The following CA5B variants were observed in gnomAD, a reference collection of about 807,000 sequenced individuals.
CA5B encodes the protein carbonic anhydrase 5B, mitochondrial.
Under a neutral mutation model 23.1 loss-of-function variants are expected in CA5B, and 15 were observed. The observed-to-expected ratio is 0.65, with a 90% confidence interval of 0.43 to 1.00. The LOEUF (loss-of-function observed/expected upper bound fraction) is 1.00. Among genes scored for constraint, CA5B ranks in the 50% least tolerant of loss-of-function variants. The pLI is 0.00. For synonymous variants in CA5B, 84 were observed against 98.5 expected, an observed-to-expected ratio of 0.85 and a Z score of 0.87; for missense variants, 236 against 252.2, an observed-to-expected ratio of 0.94 and a Z score of 0.43.
intron 2 of CA5B, among the ~76,000 whole-genome samples, chrX:15,751,686 C>G (rs1174766231): frequency 9.0e-6 from 1 of 110,673 alleles, no homozygotes; most frequent in Non-Finnish European, 1.9e-5. Flanking sequence ...TTTCCCACAA[C>G]AGATGACATG....
chrX:15,774,389 T>G lies in CA5B; in HGVS notation c.547T>G (p.Phe183Val). Residue 183 changes from phenylalanine (F) to valine (V), a missense_variant, in exon 5 of 8, where the codon TTT (phenylalanine) becomes GTT (valine). Phe to Val is a conservative substitution (Grantham distance 50). This residue lies in a region of CA5B where 170 missense variants were observed against 162.0 expected (regional missense o/e 1.05). Transcript: ENST00000318636. ...AAATGGTTTGGCTGTGATAGGAGTA[T>G]TTTTAAAGGTAAAATATCTCACCAA... ...EENGLAVIGV[F>V]LKLGKHHKEL... The G allele has an allele frequency of 9.7e-7, 1 of 1,027,725 alleles. No individual in the cohort carries two copies. The allele number at this position is 1,027,725 out of a possible 1,213,427, so 84.7% of individuals were successfully genotyped here. A position where few individuals can be genotyped will look rare whatever the true frequency, so the allele number is the denominator to read the frequency against.
At chrX:15,772,451 C>A in intron 3 of CA5B, 45 bp from the exon 4 acceptor site, 1 of 923,179 alleles carries the variant, frequency 1.1e-6, no homozygotes, top group Non-Finnish European at 1.6e-6. Context: ...CATTCCTCCA[C>A]TGCACAAATA....
intron 2 of CA5B, among the ~76,000 whole-genome samples, chrX:15,759,392 TAA>T (rs1931554998): frequency 9.0e-6 from 1 of 111,484 alleles, no homozygotes; most frequent in Admixed American, 9.6e-5. Context: ...GTTCCCAATA[TAA>T]AAGAGACCCC....
intron 6 of CA5B, 46 bp from the exon 7 acceptor site, chrX:15,776,668 G>T: frequency 9.0e-7 from 1 of 1,105,736 alleles, no homozygotes; most frequent in Non-Finnish European, 1.2e-6. Flanking sequence ...TTCCTGAGTG[G>T]TTTTCACTAC....
At chrX:15,774,042 G>A (rs1173621858) in intron 4 of CA5B, among the ~76,000 whole-genome samples, 1 of 112,346 alleles carries the variant, frequency 8.9e-6, no homozygotes, top group Non-Finnish European at 1.9e-5. Flanking sequence ...GCTCACTGAA[G>A]TGTCACTTTG....
intron 2 of CA5B, among the ~76,000 whole-genome samples, chrX:15,752,281 A>G (rs1931374175): frequency 9.0e-6 from 1 of 111,324 alleles, no homozygotes; most frequent in Admixed American, 9.6e-5. Context: ...ATTCAACCCT[A>G]TATATCGTGA....
intron 4 of CA5B, among the ~76,000 whole-genome samples, chrX:15,773,686 G>A (rs1931865861): frequency 9.1e-6 from 1 of 110,452 alleles, no homozygotes; most frequent in Admixed American, 9.7e-5. Context: ...TGGGATTACA[G>A]GCGTGAGCCA....
intron 3 of CA5B, chrX:15,768,932 G>A (rs949072555): frequency 8.9e-6 from 1 of 111,914 alleles, no homozygotes; most frequent in African/African-American, 3.2e-5. Flanking sequence ...GAAGGTATGT[G>A]ACAAAAACAT....
At chrX:15,751,665 TACTTAGTGAATTTCCCACA>T (rs1188271539) in intron 2 of CA5B, among the ~76,000 whole-genome samples, 2 of 111,039 alleles carry the variant, frequency 1.8e-5, no homozygotes, top group Admixed American at 9.6e-5. Flanking sequence ...GGGGCAGTTT[TACTTAGTGAATTTCCCACA>T]ACAGATGACA....
intron 2 of CA5B, among the ~76,000 whole-genome samples, chrX:15,758,712 T>G (rs1210989789): frequency 9.0e-6 from 1 of 111,183 alleles, no homozygotes; most frequent in Non-Finnish European, 1.9e-5. Context: ...CTCCCCATGT[T>G]GGCCAGGCTG....
At chrX:15,758,251 A>G (rs1273336170) in intron 2 of CA5B, among the ~76,000 whole-genome samples, 1 of 112,047 alleles carries the variant, frequency 8.9e-6, no homozygotes. Flanking sequence ...CAGGAAGTCC[A>G]AAAAACCAAG....
intron 2 of CA5B, among the ~76,000 whole-genome samples, chrX:15,752,632 T>G (rs188096642): frequency 0.022 from 2,382 of 109,441 alleles, 51 homozygotes; most frequent in African/African-American, 0.068. Context: ...TGCTGAGGCA[T>G]GAGAATGGCG....
At chrX:15,764,519 A>T (rs1205793599) in intron 2 of CA5B, 59 bp from the exon 3 acceptor site, 5 of 1,193,122 alleles carry the variant, frequency 4.2e-6, no homozygotes, top group Non-Finnish European at 5.6e-6. Flanking sequence ...GGATTATAGG[A>T]GTGAGCCACT....
chrX:15,763,900 C>T (rs987097225), intron 2 of CA5B, among the ~76,000 whole-genome samples: 6 of 112,122 alleles, frequency 5.4e-5, no homozygotes, highest in African/African-American at 1.9e-4. Flanking sequence ...AAGCCTGTAG[C>T]TGTTACCCAA....
At chrX:15,773,445 T>C (rs1171759221) in intron 4 of CA5B, among the ~76,000 whole-genome samples, 3 of 98,057 alleles carry the variant, frequency 3.1e-5, no homozygotes, top group African/African-American at 1.1e-4. Flanking sequence ...AGTTTTGCTC[T>C]GTCGCCCAGG....
In CA5B at chrX:15,752,521, C is replaced by G. The variant is rs746306952; in HGVS notation, c.142+2356C>G. Among the ~76,000 whole-genome samples, 383 of 102,649 alleles carry G rather than the reference C, an allele frequency of 3.7e-3. 1 individual carries two copies. Among genetic ancestry groups the G allele is most frequent in the Middle Eastern group, 0.015 (3 of 206 alleles). 89.1% of individuals were successfully genotyped at this position (102,649 alleles called of 115,157 possible). A position where few individuals can be genotyped will look rare whatever the true frequency, so the allele number is the denominator to read the frequency against. The stretch of plus-strand genomic sequence containing the variant: ...CGGGCGGATCACAAGGTCAGGAGAT[C>G]AAGACTATCCTGGCTAACACGGTGA... On this transcript the variant is annotated intron_variant, in intron 2 of 7. Coordinates refer to ENST00000318636, the MANE Select transcript of CA5B (RefSeq NM_007220.4).
intron 1 of CA5B, among the ~76,000 whole-genome samples, chrX:15,744,714 G>A (rs1931189915): frequency 9.0e-6 from 1 of 110,912 alleles, no homozygotes; most frequent in African/African-American, 3.3e-5. Flanking sequence ...CATCGCGGAA[G>A]GTTCCCCTGT....
At chrX:15,752,836 C>G (rs1030742194) in intron 2 of CA5B, among the ~76,000 whole-genome samples, 1 of 111,601 alleles carries the variant, frequency 9.0e-6, no homozygotes, top group African/African-American at 3.3e-5. Flanking sequence ...TCTATTGTCT[C>G]TAAGGGCAGC....
Position 15,787,325 on chromosome X carries a change from C to G in CA5B, c.*4661C>G, listed in dbSNP as rs1259601752. 1 of 112,031 alleles carries G rather than the reference C, an allele frequency of 8.9e-6. No individual in the cohort carries two copies. The highest frequency in any genetic ancestry group is 1.9e-5 in the Non-Finnish European group (1 of 53,204). The allele number at this position is 112,031 out of a possible 1,213,427, so 9.2% of individuals were successfully genotyped here. A position where few individuals can be genotyped will look rare whatever the true frequency, so the allele number is the denominator to read the frequency against. On this transcript the variant is annotated 3_prime_UTR_variant, in exon 8 of 8. Transcript: ENST00000318636. ...CAGGATATTGCATTCCCAGTGCATT[C>G]TACAGTTATTCTTAAGAACTACAAG...
Sources: allele counts gnomAD v4.1 joint callset (sites outside exome capture counted in the v4.1 genomes callset), GRCh38; gene constraint gnomAD v4.1.1; regional missense constraint gnomAD v4.1.1; transcripts MANE v1.5; gene names NCBI Gene and HGNC (gene_info 2026-07-23, HGNC 2026-07-21).